Variants in CNTN5 observed in about 807,000 individuals in gnomAD.
CNTN5 encodes the protein contactin 5, also known as contactin-5.
CNTN5 carries 77 observed loss-of-function variants against 129.1 expected under a neutral mutation model. The observed-to-expected ratio is 0.60, with a 90% CI of 0.50 to 0.72. The LOEUF (loss-of-function observed/expected upper bound fraction) is 0.72. Ranked by LOEUF, CNTN5 falls within the 30% of genes least tolerant of loss-of-function variation. The pLI, the probability that CNTN5 is intolerant of heterozygous loss-of-function variation, is 0.00. For synonymous variants in CNTN5, 509 were observed against 465.6 expected (o/e 1.09, Z -1.20); for missense variants, 1,478 against 1,328.8 (o/e 1.11, Z -1.75).
intron 2 of CNTN5, among the ~76,000 whole-genome samples, chr11:99,446,225 T>C (rs1944065877): frequency 6.6e-6 from 1 of 152,154 alleles, no homozygotes; most frequent in African/African-American, 2.4e-5. Context: ...TGTTGATTTC[T>C]CTTATTGCTG....
intron 2 of CNTN5, among the ~76,000 whole-genome samples, chr11:99,441,031 G>C (rs993778515): frequency 6.6e-6 from 1 of 152,036 alleles, no homozygotes; most frequent in Non-Finnish European, 1.5e-5. Flanking sequence ...TGTTGTCCAG[G>C]TTGGTCTGAA....
chr11:100,248,561 A>G lies in CNTN5; in HGVS notation c.2006-7199A>G, dbSNP rs192367800. Among the ~76,000 whole-genome samples, 215 of 152,268 alleles carry G rather than the reference A, an allele frequency of 1.4e-3. 2 individuals carry two copies. Among genetic ancestry groups the G allele is most frequent in the African/African-American group, 5.1e-3 (210 of 41,566 alleles). ...ACCATGTCTCTAAAAAAAGAAAAAG[A>G]AAAACAAAAAAGCAGGAAAGTCCTT... is the stretch of plus-strand genomic sequence containing the variant. On this transcript the variant is annotated intron_variant, in intron 16 of 24. Coordinates refer to ENST00000524871, the MANE Select transcript of CNTN5 (RefSeq NM_014361.4).
chr11:99,905,991 G>A (rs1565662164), intron 6 of CNTN5, among the ~76,000 whole-genome samples: 1 of 152,128 alleles, frequency 6.6e-6, no homozygotes, highest in Non-Finnish European at 1.5e-5. Context: ...CATTGATTTT[G>A]TATCCTGAGA....
At chr11:99,218,650 A>G (rs1053504860) in intron 1 of CNTN5, among the ~76,000 whole-genome samples, 1 of 152,146 alleles carries the variant, frequency 6.6e-6, no homozygotes, top group Admixed American at 6.5e-5. Context: ...GTTTTGGGAT[A>G]AAGATAGCTA....
In CNTN5 at chr11:99,107,149, C is replaced by G. The variant is rs559700297; in HGVS notation, c.-210+85879C>G. Among the ~76,000 whole-genome samples the G allele has an allele frequency of 4.2e-4, 64 of 151,896 alleles. 1 individual carries two copies. The highest frequency in any genetic ancestry group is 4.2e-3 in the Admixed American group (64 of 15,246). On this transcript the variant is annotated intron_variant, in intron 1 of 24. Coordinates refer to ENST00000524871, the MANE Select transcript of CNTN5 (RefSeq NM_014361.4). Reference sequence around the variant, plus strand: ...CTATATAGATTTTTCATTATATGTGCTAGGAAAACTGGAAAATGATGCCCC... The same window carrying G: ...CTATATAGATTTTTCATTATATGTGGTAGGAAAACTGGAAAATGATGCCCC...
chr11:99,409,859 T>A lies in CNTN5; in HGVS notation c.-71+84375T>A, dbSNP rs1591640603. On this transcript the variant is annotated intron_variant, in intron 2 of 24. Transcript: ENST00000524871. ...ACTACTTAGTAGAAGAAAAAGGATG[T>A]GATATTGGGAAAGGAAAGCTTAATA... Among the ~76,000 whole-genome samples, 3 of 104,564 alleles carry A rather than the reference T, an allele frequency of 2.9e-5. No homozygotes were observed. In the Admixed American group the frequency reaches 3.0e-4, roughly 11 times the overall value. The allele number at this position is 104,564 out of a possible 152,430, so 68.6% of individuals were successfully genotyped here. A position where few individuals can be genotyped will look rare whatever the true frequency, so the allele number is the denominator to read the frequency against.
At chr11:99,541,703 C>T (rs1948113595) in intron 2 of CNTN5, among the ~76,000 whole-genome samples, 1 of 152,114 alleles carries the variant, frequency 6.6e-6, no homozygotes, top group Non-Finnish European at 1.5e-5. Context: ...AATCCCAACA[C>T]TATGGGAAGC....
chr11:99,930,636 C>A (rs953113591), intron 7 of CNTN5, among the ~76,000 whole-genome samples: 2 of 152,110 alleles, frequency 1.3e-5, no homozygotes, highest in Admixed American at 1.3e-4. Flanking sequence ...TTTGTGTATA[C>A]GTAGGCCACT....
intron 4 of CNTN5, among the ~76,000 whole-genome samples, chr11:99,832,808 A>G (rs925018481): frequency 5.9e-5 from 9 of 152,164 alleles, no homozygotes; most frequent in Admixed American, 2.6e-4. Context: ...ATAGGCTGCT[A>G]TTTCCTTTAT....
chr11:99,400,325 T>C (rs1247295210), intron 2 of CNTN5, among the ~76,000 whole-genome samples: 1 of 152,090 alleles, frequency 6.6e-6, no homozygotes, highest in African/African-American at 2.4e-5. Context: ...CTCCAGTTCA[T>C]TATGAACGGA....
At chr11:99,139,666 T>C (rs1859418754) in intron 1 of CNTN5, among the ~76,000 whole-genome samples, 1 of 152,208 alleles carries the variant, frequency 6.6e-6, no homozygotes, top group Non-Finnish European at 1.5e-5. Flanking sequence ...TTAATTTGTC[T>C]TATTAAATAT....
Position 100,061,333 on chromosome 11 carries a change from G to A in CNTN5, c.1102G>A (p.Glu368Lys), listed in dbSNP as rs201520977. Residue 368 changes from glutamate to lysine, a missense_variant, in exon 10 of 25, where the codon GAG becomes AAG. Physicochemically the swap from Glu to Lys is moderately conservative, Grantham distance 56. Transcript: ENST00000524871. The part of the protein sequence containing the change: ...NVQLDDAGIY[E>K]CRAENSRGKN... ...ACAGCTGGATGATGCAGGCATTTAT[G>A]AGTGCAGAGCTGAAAACTCACGTGG... 5 of 1,613,018 alleles carry A rather than the reference G, an allele frequency of 3.1e-6. No homozygotes were observed. The highest frequency in any genetic ancestry group is 4.2e-6 in the Non-Finnish European group (5 of 1,179,146).
At chr11:99,352,681 C>T (rs558519224) in intron 2 of CNTN5, among the ~76,000 whole-genome samples, 8 of 152,280 alleles carry the variant, frequency 5.3e-5, no homozygotes, top group African/African-American at 1.9e-4. Flanking sequence ...AACTCCCTAG[C>T]AGGCATTATC....
intron 3 of CNTN5, among the ~76,000 whole-genome samples, chr11:99,581,642 C>G (rs1949597863): frequency 6.6e-6 from 1 of 152,192 alleles, no homozygotes; most frequent in Non-Finnish European, 1.5e-5. Flanking sequence ...TTATCCGAGA[C>G]TAGGATTGCA....
At chr11:99,526,247 T>C (rs1473649235) in intron 2 of CNTN5, among the ~76,000 whole-genome samples, 1 of 152,184 alleles carries the variant, frequency 6.6e-6, no homozygotes, top group Non-Finnish European at 1.5e-5. Flanking sequence ...GTGTGTTTTT[T>C]CTTTAAATGC....
intron 2 of CNTN5, among the ~76,000 whole-genome samples, chr11:99,408,449 A>AAAGAAAGAAAGAAAGAAAGAG (rs1942213427): frequency 1.5e-4 from 1 of 6,682 alleles, no homozygotes; most frequent in Non-Finnish European, 5.4e-4. Context: ...AGAAAGAAAG[A>AAAGAAAGAAAGAAAGAAAGAG]GAAAGAAAGA....
At chr11:99,679,931 TAG>T (rs1953477456) in intron 3 of CNTN5, among the ~76,000 whole-genome samples, 1 of 152,156 alleles carries the variant, frequency 6.6e-6, no homozygotes, top group Admixed American at 6.5e-5. Flanking sequence ...ATTCCTGATG[TAG>T]AGACAGTTTG....
intron 1 of CNTN5, among the ~76,000 whole-genome samples, chr11:99,091,077 A>T (rs1866231052): frequency 6.6e-6 from 1 of 150,384 alleles, no homozygotes; most frequent in Non-Finnish European, 1.5e-5. Flanking sequence ...CTGACTTTGC[A>T]GGAAATGCAG....
intron 13 of CNTN5, among the ~76,000 whole-genome samples, chr11:100,122,227 G>C (rs916139649): frequency 6.6e-6 from 1 of 151,982 alleles, no homozygotes; most frequent in Non-Finnish European, 1.5e-5. Flanking sequence ...GGGGTGGGGA[G>C]GTGGAATGGT....
Sources: gnomAD v4.1 joint callset for allele counts (sites outside exome capture counted in the v4.1 genomes callset) on GRCh38, gnomAD v4.1.1 for gene constraint, MANE v1.5 for transcripts, NCBI Gene and HGNC (gene_info 2026-07-23, HGNC 2026-07-21) for gene names.